The following SPTBN1 variants were observed in gnomAD, a reference collection of about 807,000 sequenced individuals.
SPTBN1 encodes spectrin beta chain, non-erythrocytic 1.
SPTBN1 carries 32 observed loss-of-function variants against 266.4 expected under a neutral mutation model. That is an observed-to-expected ratio of 0.12 (90% CI 0.09 to 0.16). The LOEUF is 0.16. Among genes scored for constraint, SPTBN1 ranks in the 10% least tolerant of loss-of-function variants. The pLI is 1.00. For synonymous variants in SPTBN1, 1,336 were observed against 1,162.2 expected, an observed-to-expected ratio of 1.15 and a Z score of -3.04; for missense variants, 2,296 against 3,067.1, an observed-to-expected ratio of 0.75 and a Z score of 5.94.
chr2:54,599,021 G>T (rs1357189295), intron 2 of SPTBN1, 71 bp from the exon 3 acceptor site: 18 of 1,560,304 alleles, frequency 1.2e-5, no homozygotes, highest in Non-Finnish European at 3.5e-6. Flanking sequence ...GGGTCTTGTG[G>T]CCCTGCTAGC....
intron 2 of SPTBN1, among the ~76,000 whole-genome samples, chr2:54,562,231 A>G (rs970621027): frequency 6.6e-6 from 1 of 152,152 alleles, no homozygotes; most frequent in African/African-American, 2.4e-5. Flanking sequence ...TCTCCACTTC[A>G]CATCAGCCAG....
At chr2:54,575,152 G>A (rs1330230564) in intron 2 of SPTBN1, among the ~76,000 whole-genome samples, 1 of 152,186 alleles carries the variant, frequency 6.6e-6, no homozygotes, top group East Asian at 1.9e-4. Context: ...GGTAGATTTT[G>A]AGGTTTTTTT....
chr2:54,489,044 G>A (rs1573255270), intron 1 of SPTBN1, among the ~76,000 whole-genome samples: 1 of 151,576 alleles, frequency 6.6e-6, no homozygotes, highest in South Asian at 2.1e-4. Flanking sequence ...TAATTGGCCA[G>A]ACATGGTAGC....
At chr2:54,550,054 C>G (rs1001712732) in intron 2 of SPTBN1, among the ~76,000 whole-genome samples, 2 of 152,186 alleles carry the variant, frequency 1.3e-5, no homozygotes, top group Non-Finnish European at 2.9e-5. Context: ...ATCTTCCTTA[C>G]AGTAAAAGTC....
rs1183867716 is a variant in SPTBN1, at chr2:54,645,315, C to T, written c.4356C>T (p.Ser1452=). The T allele has an allele frequency of 6.2e-7, 1 of 1,614,244 alleles. No homozygotes were observed. The change falls in exon 21 of 36, where the codon AGC becomes AGT. Residue 1452 remains serine (S), a synonymous_variant. Transcript: ENST00000356805. The surrounding 1 kb of genome is among the most constrained non-coding windows in gnomAD (Gnocchi z 4.3). The part of the protein sequence containing the change: ...QAQALSQEGK[S]TDEVDSKRLT... ...AGGCCCTGAGTCAGGAAGGGAAGAG[C>T]ACCGACGAGGTAGACAGCAAGCGCC...
intron 1 of SPTBN1, among the ~76,000 whole-genome samples, chr2:54,491,179 G>A (rs933656456): frequency 9.2e-5 from 14 of 152,136 alleles, no homozygotes; most frequent in African/African-American, 3.4e-4. Flanking sequence ...AAATTTTGGG[G>A]TCCAGAAAAA....
In SPTBN1 at chr2:54,579,118, A is replaced by G. The variant is rs117387140; in HGVS notation, c.149-19974A>G. On this transcript the variant is annotated intron_variant, in intron 2 of 35. Coordinates refer to ENST00000356805, the MANE Select transcript of SPTBN1 (RefSeq NM_003128.3). ...TTACTTCTGCACCAACCTAATATAT[A>G]TTATATATTCCCATTTTGTTCTTTT... Among the ~76,000 whole-genome samples, 296 of 152,248 alleles carry G rather than the reference A, an allele frequency of 1.9e-3. 8 individuals are homozygous for G. The East Asian group carries it at 0.042, about 22-fold the overall frequency.
chr2:54,665,849 T>G (rs1681332340), intron 33 of SPTBN1, 66 bp from the exon 34 acceptor site: 1 of 1,518,628 alleles, frequency 6.6e-7, no homozygotes, highest in Non-Finnish European at 8.9e-7. Flanking sequence ...AATGAAATGT[T>G]TAGTTCTTTA....
intron 1 of SPTBN1, among the ~76,000 whole-genome samples, chr2:54,497,923 C>T (rs868406105): frequency 2.6e-5 from 4 of 152,176 alleles, no homozygotes; most frequent in Admixed American, 2.0e-4. Flanking sequence ...CGGAGACCAT[C>T]TCTACAAACA....
intron 1 of SPTBN1, among the ~76,000 whole-genome samples, chr2:54,489,120 A>C (rs1237058445): frequency 2.0e-5 from 3 of 149,428 alleles, no homozygotes; most frequent in Non-Finnish European, 4.4e-5. Context: ...CAGGAGTTCA[A>C]GACTAGCCTA....
At position 54,616,254 on chromosome 2, in the gene SPTBN1, T is replaced by C; in HGVS notation, c.522T>C (p.Ser174=). The change falls in exon 5 of 36, where the codon TCT becomes TCC. Residue 174 remains serine, a synonymous_variant. Transcript: ENST00000356805. The part of the protein sequence containing the change: ...VETEDNKEKK[S]AKDALLLWCQ... Reference sequence around the variant, plus strand: ...CTGAAGACAACAAAGAGAAGAAATCTGCCAAGGATGCATTGCTGTTGTGGT... The same window carrying C: ...CTGAAGACAACAAAGAGAAGAAATCCGCCAAGGATGCATTGCTGTTGTGGT... 1 of 1,614,066 alleles carries C rather than the reference T, an allele frequency of 6.2e-7. No homozygotes were observed. Among genetic ancestry groups the C allele is most frequent in the East Asian group, 2.2e-5 (1 of 44,888 alleles).
At chr2:54,667,549 G>A in intron 34 of SPTBN1, 55 bp from the exon 35 acceptor site, 2 of 1,554,314 alleles carry the variant, frequency 1.3e-6, no homozygotes, top group Non-Finnish European at 1.8e-6. Context: ...GGAGTTGGGG[G>A]ATTTTTATTT....
At chr2:54,493,491 C>T (rs1453401056) in intron 1 of SPTBN1, among the ~76,000 whole-genome samples, 1 of 151,970 alleles carries the variant, frequency 6.6e-6, no homozygotes, top group African/African-American at 2.4e-5. Flanking sequence ...CTGCAACCTC[C>T]CCCTCCCAGA....
At chr2:54,539,787 C>T (rs1671827668) in intron 2 of SPTBN1, among the ~76,000 whole-genome samples, 1 of 152,078 alleles carries the variant, frequency 6.6e-6, no homozygotes, top group African/African-American at 2.4e-5. Context: ...AGAAATCAGC[C>T]CACGTTGGCT....
At chr2:54,521,018 T>G (rs191967089) in intron 1 of SPTBN1, among the ~76,000 whole-genome samples, 35 of 152,258 alleles carry the variant, frequency 2.3e-4, no homozygotes, top group Admixed American at 2.3e-3. Context: ...CCACAGCTAT[T>G]TAAGAAGTAC....
chr2:54,469,650 A>T (rs776315559), intron 1 of SPTBN1, among the ~76,000 whole-genome samples: 56 of 152,328 alleles, frequency 3.7e-4, no homozygotes, highest in Admixed American at 1.8e-3. Context: ...CAACAAGACC[A>T]GGCAGTGCCC....
At chr2:54,567,843 G>A (rs569121110) in intron 2 of SPTBN1, among the ~76,000 whole-genome samples, 31 of 152,294 alleles carry the variant, frequency 2.0e-4, no homozygotes, top group African/African-American at 7.2e-4. Context: ...TTTGGAGGGT[G>A]CTGGTCAAGG....
At chr2:54,643,446 T>A (rs1477668382) in intron 19 of SPTBN1, among the ~76,000 whole-genome samples, 1 of 152,244 alleles carries the variant, frequency 6.6e-6, no homozygotes, top group African/African-American at 2.4e-5. Context: ...TCCACTGTCT[T>A]GATCATATTA....
chr2:54,522,656 GAA>G (rs1488614789), intron 1 of SPTBN1, among the ~76,000 whole-genome samples: 157 of 99,058 alleles, frequency 1.6e-3, no homozygotes, highest in African/African-American at 4.8e-3. Flanking sequence ...AAGAGAGAGA[GAA>G]AGAGAGAGAG....
Sources: allele counts gnomAD v4.1 joint callset (sites outside exome capture counted in the v4.1 genomes callset), GRCh38; gene constraint gnomAD v4.1.1; non-coding constraint Gnocchi (gnomAD v3.1); transcripts MANE v1.5; gene names NCBI Gene and HGNC (gene_info 2026-07-23, HGNC 2026-07-21).